The following ABCG1 variants were observed in gnomAD, a reference collection of about 807,000 sequenced individuals.
ABCG1 encodes the protein ATP-binding cassette sub-family G member 1.
In ABCG1, 29 loss-of-function variants were observed where a neutral mutation model predicts 69.2. That is an observed-to-expected ratio of 0.42 (90% CI 0.31 to 0.57). The LOEUF is 0.57. Ranked by LOEUF, ABCG1 falls within the 20% of genes least tolerant of loss-of-function variation. ABCG1 has a pLI of 0.15. For missense variants in ABCG1, 718 were observed against 898.1 expected, an observed-to-expected ratio of 0.80 and a Z score of 2.56; for synonymous variants, 370 against 374.8, an observed-to-expected ratio of 0.99 and a Z score of 0.15.
In ABCG1 at chr21:42,219,420, C is replaced by A. The variant is rs1158538997; in HGVS notation, c.42+116C>A. On this transcript the variant is annotated intron_variant, in intron 1 of 14. Transcript: ENST00000398449. The surrounding 1 kb of genome is among the most constrained non-coding windows in gnomAD (Gnocchi z 5.3). ...CCCTCCCAGGAGCGCGTCCTCTGGG[C>A]GCTGACCCAGGGCACCCTAGAGTGG... 1.4e-6 allele frequency: 2 copies of A among 1,411,068 alleles called. No homozygotes were observed. The highest frequency in any genetic ancestry group is 2.8e-5 in the East Asian group (1 of 35,796). 87.4% of individuals were successfully genotyped at this position (1,411,068 alleles called of 1,614,324 possible). A position where few individuals can be genotyped will look rare whatever the true frequency, so the allele number is the denominator to read the frequency against.
intron 13 of ABCG1, among the ~76,000 whole-genome samples, chr21:42,293,742 C>A (rs2069143164): frequency 6.6e-6 from 1 of 150,672 alleles, no homozygotes; most frequent in Non-Finnish European, 1.5e-5. Context: ...ATACTACATA[C>A]ACACACCACA....
At chr21:42,264,800 C>T (rs567090432) in intron 2 of ABCG1, among the ~76,000 whole-genome samples, 7 of 151,956 alleles carry the variant, frequency 4.6e-5, no homozygotes, top group South Asian at 4.2e-4. Flanking sequence ...GATAGAGGAG[C>T]GCTGTTTGGG....
chr21:42,208,807 A>T (rs972062156), intron 2 of ABCG1, among the ~76,000 whole-genome samples: 1 of 152,088 alleles, frequency 6.6e-6, no homozygotes, highest in Non-Finnish European at 1.5e-5. Context: ...TTTCTTTTTT[A>T]AAATGAGTTG....
intron 1 of ABCG1, among the ~76,000 whole-genome samples, chr21:42,224,508 C>T (rs1453296572): frequency 1.3e-5 from 2 of 152,218 alleles, no homozygotes; most frequent in African/African-American, 4.8e-5. Context: ...CCAAGACACC[C>T]CACATGCCCG....
Position 42,291,779 on chromosome 21 carries a change from T to A in ABCG1, c.1653+123T>A. 1 of 1,203,274 alleles carries A rather than the reference T, an allele frequency of 8.3e-7. No individual in the cohort carries two copies. Among genetic ancestry groups the A allele is most frequent in the Non-Finnish European group, 1.1e-6 (1 of 892,060 alleles). 74.5% of individuals were successfully genotyped at this position (1,203,274 alleles called of 1,614,324 possible). On this transcript the variant is annotated intron_variant, in intron 13 of 14. Transcript: ENST00000398449. This position sits in a 1 kb window ranked among gnomAD's most constrained non-coding sequence, Gnocchi z 6.4. ...TCTGCCCTGACCCTCCTAGATGGGG[T>A]CGTTCCCACGGGAAGGGCCCGCATT...
At chr21:42,202,033 A>G (rs971946804) in intron 2 of ABCG1, among the ~76,000 whole-genome samples, 1 of 152,062 alleles carries the variant, frequency 6.6e-6, no homozygotes, top group African/African-American at 2.4e-5. Flanking sequence ...TGCAGGGCGC[A>G]GTGTCCTGCT....
intron 2 of ABCG1, among the ~76,000 whole-genome samples, chr21:42,254,350 G>A (rs901510686): frequency 1.3e-5 from 2 of 152,242 alleles, no homozygotes; most frequent in South Asian, 2.1e-4. Flanking sequence ...CCTGGCGCCA[G>A]AGTGGGCTTC....
chr21:42,209,517 T>C (rs1351519871), intron 2 of ABCG1, among the ~76,000 whole-genome samples: 1 of 152,236 alleles, frequency 6.6e-6, no homozygotes. Context: ...ATGCATATAC[T>C]GGGTGAAGAA....
intron 2 of ABCG1, among the ~76,000 whole-genome samples, chr21:42,203,612 G>A (rs150210342): frequency 2.4e-4 from 37 of 152,244 alleles, no homozygotes; most frequent in Middle Eastern, 3.4e-3. Flanking sequence ...TGGTCTTTGC[G>A]TCTGTCCTTT....
intron 13 of ABCG1, among the ~76,000 whole-genome samples, chr21:42,293,829 G>T (rs903771519): frequency 1.4e-5 from 2 of 140,674 alleles, no homozygotes; most frequent in East Asian, 4.4e-4. Context: ...ACCACTCACT[G>T]CGCACACAGA....
intron 2 of ABCG1, among the ~76,000 whole-genome samples, chr21:42,266,328 T>TAAAATAAAAG (rs1411841199): frequency 1.3e-4 from 19 of 151,810 alleles, no homozygotes; most frequent in African/African-American, 4.4e-4. Flanking sequence ...TAAAATAAAA[T>TAAAATAAAAG]AAAATAAAAG....
intron 2 of ABCG1, among the ~76,000 whole-genome samples, chr21:42,269,017 C>T (rs899660008): frequency 3.3e-5 from 5 of 152,150 alleles, no homozygotes; most frequent in South Asian, 2.1e-4. Context: ...CTGCCCTGGA[C>T]GGAGGGAGAG....
chr21:42,228,359 G>A (rs1281168462), intron 2 of ABCG1, among the ~76,000 whole-genome samples: 2 of 152,178 alleles, frequency 1.3e-5, no homozygotes, highest in African/African-American at 4.8e-5. Flanking sequence ...GCCAAGGGTA[G>A]TTTTGCTGTC....
intron 2 of ABCG1, among the ~76,000 whole-genome samples, chr21:42,241,282 A>T (rs1421777445): frequency 6.6e-6 from 1 of 152,236 alleles, no homozygotes; most frequent in African/African-American, 2.4e-5. Context: ...TGAGCTCATC[A>T]TAAACAGAAA....
intron 10 of ABCG1, 151 bp from the exon 11 acceptor site, chr21:42,289,899 C>T: frequency 1.2e-6 from 1 of 810,594 alleles, no homozygotes; most frequent in East Asian, 2.7e-5. Flanking sequence ...TAGGGTTTGG[C>T]TTGTTTCTCT....
intron 6 of ABCG1, among the ~76,000 whole-genome samples, chr21:42,283,663 C>A (rs1569236313): frequency 7.1e-6 from 1 of 140,140 alleles, no homozygotes; most frequent in African/African-American, 2.5e-5. Context: ...CCCCCCCACC[C>A]AAATGAGTGG....
In ABCG1 at chr21:42,273,443, C is replaced by T; in HGVS notation, c.537+8C>T. ...GTGCAGGAGGCCATGATGGTGAGCT[C>T]CGCCCTGCCCCGCCCCACTCCGCCC... On this transcript the variant is annotated splice_region_variant and intron_variant, in intron 4 of 14. Transcript: ENST00000398449. This position sits in a 1 kb window ranked among gnomAD's most constrained non-coding sequence, Gnocchi z 5.3. The T allele has an allele frequency of 6.2e-7, 1 of 1,610,504 alleles. No individual in the cohort carries two copies. Among genetic ancestry groups the T allele is most frequent in the Non-Finnish European group, 8.5e-7 (1 of 1,178,050 alleles).
intron 2 of ABCG1, among the ~76,000 whole-genome samples, chr21:42,243,217 G>A (rs1297823374): frequency 2.0e-5 from 3 of 152,122 alleles, no homozygotes; most frequent in Admixed American, 6.5e-5. Flanking sequence ...GGTGTCTCAC[G>A]AGTCGCACTA....
At chr21:42,242,466 A>G (rs530258486) in intron 2 of ABCG1, among the ~76,000 whole-genome samples, 132 of 152,334 alleles carry the variant, frequency 8.7e-4, no homozygotes, top group Admixed American at 1.6e-3. Context: ...GCACTGCTGC[A>G]TACTCCAGCC....
Sources: gnomAD v4.1 joint callset for allele counts (sites outside exome capture counted in the v4.1 genomes callset) on GRCh38, gnomAD v4.1.1 for gene constraint, Gnocchi (gnomAD v3.1) non-coding constraint, MANE v1.5 for transcripts, NCBI Gene and HGNC (gene_info 2026-07-23, HGNC 2026-07-21) for gene names.